The following DAAM2 variants were observed in gnomAD, a reference collection of about 807,000 sequenced individuals.
DAAM2 encodes disheveled-associated activator of morphogenesis 2.
Under a neutral mutation model 120.7 loss-of-function variants are expected in DAAM2, and 39 were observed. The ratio of observed to expected loss-of-function variants is 0.32; its 90% CI spans 0.25 to 0.42. The LOEUF (loss-of-function observed/expected upper bound fraction) is 0.42. Among genes scored for constraint, DAAM2 ranks in the 10% least tolerant of loss-of-function variants. DAAM2 has a pLI of 1.00. For synonymous variants in DAAM2, 488 were observed against 524.9 expected (o/e 0.93, Z 0.96); for missense variants, 1,283 against 1,401.7 (o/e 0.92, Z 1.35).
chr6:39,813,408 G>A (rs2114078250), intron 1 of DAAM2, among the ~76,000 whole-genome samples: 1 of 152,282 alleles, frequency 6.6e-6, no homozygotes, highest in Non-Finnish European at 1.5e-5. Flanking sequence ...CTGCTCGAAA[G>A]CATTTAGAAA....
At position 39,891,679 on chromosome 6, in the gene DAAM2, G is replaced by T. The variant is rs752534478; in HGVS notation, c.2298G>T (p.Lys766Asn). The T allele has an allele frequency of 5.0e-6, 8 of 1,610,278 alleles. No individual in the cohort carries two copies. Among genetic ancestry groups the T allele is most frequent in the Non-Finnish European group, 6.8e-6 (8 of 1,178,342 alleles). ...QQRLQALFFK[K>N]KFQERLAEAK... ...GACTGCAAGCCCTCTTCTTCAAGAA[G>T]AAATTCCAGGAGCGGCTGGCTGAGG... Residue 766 changes from lysine (K) to asparagine (N), a missense_variant, in exon 19 of 25, where the codon AAG becomes AAT. Around this residue, in one of 3 missense-constraint regions of DAAM2, gnomAD observed 748 missense variants for 768.6 expected, o/e 0.97. Coordinates refer to ENST00000274867, the MANE Select transcript of DAAM2 (RefSeq NM_001201427.2).
intron 1 of DAAM2, chr6:39,819,214 G>A (rs1197568441): frequency 6.6e-6 from 1 of 152,300 alleles, no homozygotes; most frequent in Non-Finnish European, 1.5e-5. Flanking sequence ...GGAAGCTGAG[G>A]ACAAGAGGAT....
At chr6:39,825,384 T>TAAAAC (rs56245657) in intron 1 of DAAM2, among the ~76,000 whole-genome samples, 2,527 of 101,536 alleles carry the variant, frequency 0.025, 99 homozygotes, top group African/African-American at 0.069. Flanking sequence ...CAAGACTGTT[T>TAAAAC]AAAACAAAAC....
At chr6:39,899,992 G>C in intron 22 of DAAM2, 85 bp from the exon 23 acceptor site, 1 of 1,440,424 alleles carries the variant, frequency 6.9e-7, no homozygotes, top group Non-Finnish European at 9.4e-7. Context: ...AATGTCCTGT[G>C]AGTGACGAGG....
At chr6:39,859,114 C>T (rs1181858861) in intron 2 of DAAM2, among the ~76,000 whole-genome samples, 1 of 152,130 alleles carries the variant, frequency 6.6e-6, no homozygotes, top group Non-Finnish European at 1.5e-5. Flanking sequence ...TGGAACTGCT[C>T]TGTAGTTCAG....
intron 9 of DAAM2, 146 bp downstream of exon 9, chr6:39,871,718 A>G (rs1302455199): frequency 3.1e-6 from 2 of 649,820 alleles, no homozygotes; most frequent in Admixed American, 2.7e-5. Context: ...TCCTGTGATC[A>G]GTCATAGTTC....
intron 1 of DAAM2, among the ~76,000 whole-genome samples, chr6:39,826,685 C>CA (rs1205206097): frequency 6.6e-6 from 1 of 151,962 alleles, no homozygotes; most frequent in Non-Finnish European, 1.5e-5. Context: ...TGTTTGCACA[C>CA]AAAAATTAAG....
At chr6:39,854,400 C>A (rs1308489678) in intron 1 of DAAM2, among the ~76,000 whole-genome samples, 2 of 152,114 alleles carry the variant, frequency 1.3e-5, no homozygotes, top group African/African-American at 4.8e-5. Context: ...TCCAGGAGCC[C>A]TCACGATATT....
chr6:39,877,080 C>T (rs544898317), intron 11 of DAAM2, among the ~76,000 whole-genome samples: 9 of 152,358 alleles, frequency 5.9e-5, no homozygotes, highest in Non-Finnish European at 1.0e-4. Flanking sequence ...GCTTCCAGCT[C>T]TTCCATCTGT....
intron 1 of DAAM2, among the ~76,000 whole-genome samples, chr6:39,825,081 A>G (rs1207157748): frequency 6.6e-6 from 1 of 152,102 alleles, no homozygotes; most frequent in African/African-American, 2.4e-5. Flanking sequence ...CAGGGCCTGG[A>G]TGTGAATTTA....
intron 5 of DAAM2, among the ~76,000 whole-genome samples, chr6:39,866,731 C>G (rs1764448830): frequency 6.6e-6 from 1 of 152,206 alleles, no homozygotes; most frequent in Non-Finnish European, 1.5e-5. Context: ...TGATAACCAT[C>G]ATAATTTTGA....
At chr6:39,889,528 C>T (rs149652942) in intron 17 of DAAM2, among the ~76,000 whole-genome samples, 4 of 152,240 alleles carry the variant, frequency 2.6e-5, no homozygotes, top group Non-Finnish European at 4.4e-5. Flanking sequence ...CGCCCTATTG[C>T]CTAGTAATCC....
intron 1 of DAAM2, among the ~76,000 whole-genome samples, chr6:39,809,355 C>T (rs1367358962): frequency 6.6e-6 from 1 of 152,222 alleles, no homozygotes; most frequent in Non-Finnish European, 1.5e-5. Flanking sequence ...ACCAACCTCA[C>T]AGGCCTCAGT....
intron 22 of DAAM2, 24 bp from the exon 23 acceptor site, chr6:39,900,053 C>T: frequency 6.3e-7 from 1 of 1,595,560 alleles, no homozygotes; most frequent in Non-Finnish European, 8.5e-7. Flanking sequence ...CCAGTCTAAG[C>T]AGCACTTCAC....
rs1761575318 is a variant in DAAM2 at position 39,792,460 on chromosome 6, C to T, written c.-62C>T. On this transcript the variant is annotated 5_prime_UTR_variant, in exon 1 of 25. Coordinates refer to ENST00000274867, the MANE Select transcript of DAAM2 (RefSeq NM_001201427.2). ...GCGGGAGCGCGGGCGCCCTGGGGTC[C>T]TCGGAGTAAGTGCGGCCGGCCCTGG... 6.6e-6 allele frequency: 1 copy of T among 152,266 alleles called. No homozygotes were observed. The highest frequency in any genetic ancestry group is 2.1e-4 in the South Asian group (1 of 4,850). 9.4% of individuals were successfully genotyped at this position (152,266 alleles called of 1,614,324 possible).
Position 39,903,362 on chromosome 6 carries a change from T to C in DAAM2, c.*1325T>C, listed in dbSNP as rs1766597075. On this transcript the variant is annotated 3_prime_UTR_variant, in exon 25 of 25. Transcript: ENST00000274867. The stretch of plus-strand genomic sequence containing the variant: ...GAGAGGGGGGCCACCCCATTTCTGG[T>C]ACCCAATTTGGTTCTTCAGCCCAAC... 1 of 152,316 alleles carries C rather than the reference T, an allele frequency of 6.6e-6. No homozygotes were observed. Among genetic ancestry groups the C allele is most frequent in the Non-Finnish European group, 1.5e-5 (1 of 68,084 alleles). 9.4% of individuals were successfully genotyped at this position (152,316 alleles called of 1,614,324 possible). A position where few individuals can be genotyped will look rare whatever the true frequency, so the allele number is the denominator to read the frequency against.
chr6:39,865,647 G>C (rs1271408991), intron 5 of DAAM2, among the ~76,000 whole-genome samples: 1 of 152,210 alleles, frequency 6.6e-6, no homozygotes, highest in Non-Finnish European at 1.5e-5. Context: ...TTGTGTCTGG[G>C]TCTGCCCCGT....
chr6:39,841,130 T>G (rs1266198442), intron 1 of DAAM2, among the ~76,000 whole-genome samples: 2 of 2,758 alleles, frequency 7.3e-4, no homozygotes, highest in Non-Finnish European at 6.2e-4. Flanking sequence ...GGGGAAGGGT[T>G]GGGGAGGGGC....
Position 39,878,482 on chromosome 6 carries a change from T to C in DAAM2, c.1439T>C (p.Met480Thr), listed in dbSNP as rs374320242. The C allele has an allele frequency of 6.8e-6, 11 of 1,610,708 alleles. No homozygotes were observed. In the African/African-American group the frequency reaches 1.2e-4, roughly 18 times the overall value. ...AAGACATTGGAGAAGGAAGAGATGA[T>C]GCGGACGCTGAACAAAATGAAGGAC... ...ETKTLEKEEMMRTLNKMKDKL... is the reference protein window; with the variant it reads ...ETKTLEKEEMTRTLNKMKDKL... Residue 480 changes from methionine to threonine, a missense_variant, in exon 13 of 25, where the codon ATG (methionine) becomes ACG (threonine). Met to Thr is a moderately conservative substitution (Grantham distance 81, BLOSUM62 -1). Transcript: ENST00000274867. This position sits in a 1 kb window ranked among gnomAD's most constrained non-coding sequence, Gnocchi z 5.0.
Sources: allele counts gnomAD v4.1 joint callset (sites outside exome capture counted in the v4.1 genomes callset), GRCh38; gene constraint gnomAD v4.1.1; regional missense constraint gnomAD v4.1.1; non-coding constraint Gnocchi (gnomAD v3.1); transcripts MANE v1.5; gene names NCBI Gene and HGNC (gene_info 2026-07-23, HGNC 2026-07-21).